The following GLMN variants were observed in gnomAD, a reference collection of about 807,000 sequenced individuals.
GLMN encodes glomulin, FKBP associated protein.
In GLMN, 75 loss-of-function variants were observed where a neutral mutation model predicts 87.8. That is an observed-to-expected ratio of 0.85 (90% confidence interval 0.71 to 1.04). The LOEUF is 1.04. GLMN is among the 50% of genes least tolerant of loss of function. GLMN has a pLI of 0.00. For missense variants in GLMN, 588 were observed against 658.8 expected (o/e 0.89, Z 1.18); for synonymous variants, 206 against 221.6 (o/e 0.93, Z 0.63).
At chr1:92,369,870 A>T in the GLMN span, among the ~76,000 whole-genome samples, 1 of 152,098 alleles carries the variant, frequency 6.6e-6, no homozygotes, top group Non-Finnish European at 1.5e-5. Context: ...CCTGAAAGTA[A>T]ACATTTTTAT....
intron 7 of GLMN, 129 bp from the exon 8 acceptor site, chr1:92,271,781 T>C: frequency 1.5e-6 from 1 of 684,694 alleles, no homozygotes; most frequent in South Asian, 1.6e-5. Context: ...GTGGGACCTA[T>C]GAGACTTGCT....
the GLMN span, among the ~76,000 whole-genome samples, chr1:92,325,804 A>T: frequency 6.6e-6 from 1 of 151,940 alleles, no homozygotes; most frequent in Non-Finnish European, 1.5e-5. Context: ...TTTCCAGTAT[A>T]TATTCTTGGT....
At chr1:92,360,357 A>G in the GLMN span, among the ~76,000 whole-genome samples, 1 of 152,214 alleles carries the variant, frequency 6.6e-6, no homozygotes, top group Admixed American at 6.5e-5. Context: ...CCAGATTGCA[A>G]AGGCTGCTAT....
chr1:92,326,525 A>G, the GLMN span, among the ~76,000 whole-genome samples: 5 of 152,268 alleles, frequency 3.3e-5, no homozygotes, highest in Non-Finnish European at 7.4e-5. Flanking sequence ...TAGAACTCCC[A>G]AGAATATATG....
At chr1:92,255,010 C>T (rs1654029280) in intron 16 of GLMN, among the ~76,000 whole-genome samples, 1 of 151,800 alleles carries the variant, frequency 6.6e-6, no homozygotes, top group South Asian at 2.1e-4. Flanking sequence ...ATTCAGGAGA[C>T]CCATCTCATG....
the GLMN span, among the ~76,000 whole-genome samples, chr1:92,347,678 A>C: frequency 6.6e-6 from 1 of 152,238 alleles, no homozygotes; most frequent in South Asian, 2.1e-4. Flanking sequence ...TTCTATACAA[A>C]AGTAAACCTC....
chr1:92,260,018 A>G (rs12058147), intron 16 of GLMN, among the ~76,000 whole-genome samples: 8,212 of 151,908 alleles, frequency 0.054, 750 homozygotes, highest in African/African-American at 0.19. Flanking sequence ...TACAGGTGTG[A>G]GCCACCACGC....
the GLMN span, among the ~76,000 whole-genome samples, chr1:92,310,808 A>T: frequency 6.6e-6 from 1 of 152,116 alleles, no homozygotes; most frequent in Non-Finnish European, 1.5e-5. Flanking sequence ...GAGTAAGAAG[A>T]ACCGCTTGAA....
chr1:92,292,225 A>G (rs1649485099), intron 3 of GLMN, among the ~76,000 whole-genome samples: 1 of 107,134 alleles, frequency 9.3e-6, no homozygotes. Flanking sequence ...CACACTGGAT[A>G]AGATCACTAC....
the GLMN span, among the ~76,000 whole-genome samples, chr1:92,343,506 A>G: frequency 1.3e-5 from 2 of 152,194 alleles, no homozygotes; most frequent in Admixed American, 6.5e-5. Flanking sequence ...TTGGAAAATG[A>G]TGGGGAAAAT....
At chr1:92,268,312 C>T (rs568726964) in intron 9 of GLMN, among the ~76,000 whole-genome samples, 177 bp from the exon 10 acceptor site, 64 of 152,272 alleles carry the variant, frequency 4.2e-4, no homozygotes, top group African/African-American at 1.4e-3. Flanking sequence ...ATCTGTCTTT[C>T]GGTTTGGCTA....
At chr1:92,367,485 A>G in the GLMN span, among the ~76,000 whole-genome samples, 1 of 152,182 alleles carries the variant, frequency 6.6e-6, no homozygotes, top group Non-Finnish European at 1.5e-5. Context: ...TAATCTTCCT[A>G]CCTTCTCCTT....
At chr1:92,292,687 T>C (rs1231697510) in intron 3 of GLMN, among the ~76,000 whole-genome samples, 1 of 145,828 alleles carries the variant, frequency 6.9e-6, no homozygotes, top group Non-Finnish European at 1.5e-5. Flanking sequence ...CCTCCCAAAG[T>C]GCTGGGATTA....
chr1:92,305,214 C>T, the GLMN span, among the ~76,000 whole-genome samples: 1 of 151,778 alleles, frequency 6.6e-6, no homozygotes, highest in Admixed American at 6.6e-5. Context: ...GGGCAGATCA[C>T]GAGGTCAGGA....
chr1:92,319,816 T>G, the GLMN span, among the ~76,000 whole-genome samples: 2 of 152,080 alleles, frequency 1.3e-5, no homozygotes, highest in South Asian at 4.2e-4. Flanking sequence ...CTGACCAACA[T>G]GGAGAAACCC....
chr1:92,336,418 G>A, the GLMN span: 65 of 1,593,894 alleles, frequency 4.1e-5, no homozygotes, highest in East Asian at 9.0e-5. Flanking sequence ...AATCTTGTTC[G>A]AACTTTCAGG....
At chr1:92,325,099 T>C in the GLMN span, among the ~76,000 whole-genome samples, 1 of 152,176 alleles carries the variant, frequency 6.6e-6, no homozygotes, top group Non-Finnish European at 1.5e-5. Flanking sequence ...TATGTAGAGA[T>C]TGAAAATGTG....
intron 7 of GLMN, among the ~76,000 whole-genome samples, chr1:92,285,020 T>G (rs1285874379): frequency 1.3e-5 from 2 of 151,952 alleles, no homozygotes; most frequent in Non-Finnish European, 2.9e-5. Context: ...TTGGTGGGAG[T>G]GTAAATTAGT....
the GLMN span, among the ~76,000 whole-genome samples, chr1:92,365,961 G>C: frequency 6.6e-6 from 1 of 152,080 alleles, no homozygotes; most frequent in African/African-American, 2.4e-5. Flanking sequence ...AAAGGTTGAA[G>C]ACCAACAAGT....
Sources: allele counts gnomAD v4.1 joint callset (sites outside exome capture counted in the v4.1 genomes callset), GRCh38; gene constraint gnomAD v4.1.1; transcripts MANE v1.5; gene names NCBI Gene and HGNC (gene_info 2026-07-23, HGNC 2026-07-21).